Variants in GPC5 observed in about 807,000 individuals in gnomAD.
GPC5 encodes the protein glypican-5.
Under a neutral mutation model 53.9 loss-of-function variants are expected in GPC5, and 47 were observed. The ratio of observed to expected loss-of-function variants is 0.87; its 90% CI spans 0.69 to 1.11. The LOEUF is 1.11. Among genes scored for constraint, GPC5 ranks in the 50% most tolerant of loss-of-function variants. The pLI is 0.00. For missense variants in GPC5, 748 were observed against 713.1 expected, an observed-to-expected ratio of 1.05 and a Z score of -0.56; for synonymous variants, 286 against 263.3, an observed-to-expected ratio of 1.09 and a Z score of -0.84.
chr13:92,469,296 C>T (rs1431987380), intron 7 of GPC5, among the ~76,000 whole-genome samples: 1 of 152,010 alleles, frequency 6.6e-6, no homozygotes, highest in Non-Finnish European at 1.5e-5. Flanking sequence ...GCAACCTCCA[C>T]CTCCCAGGTT....
chr13:92,274,506 C>G (rs1305180613), intron 7 of GPC5, among the ~76,000 whole-genome samples: 3 of 152,090 alleles, frequency 2.0e-5, no homozygotes, highest in African/African-American at 7.2e-5. Flanking sequence ...TCTTTAAACT[C>G]CATTCTCTGG....
At chr13:92,691,520 C>T (rs893524600) in intron 7 of GPC5, among the ~76,000 whole-genome samples, 6 of 151,342 alleles carry the variant, frequency 4.0e-5, no homozygotes, top group African/African-American at 9.7e-5. Context: ...AGAAATCACC[C>T]GTCTTCTGCG....
chr13:92,381,516 A>G (rs538587106), intron 7 of GPC5, among the ~76,000 whole-genome samples: 13 of 152,280 alleles, frequency 8.5e-5, no homozygotes, highest in African/African-American at 3.1e-4. Flanking sequence ...GTTGGTGTGG[A>G]TGCAATGAAC....
intron 4 of GPC5, among the ~76,000 whole-genome samples, chr13:91,736,821 G>GA (rs1189457045): frequency 6.6e-6 from 1 of 151,180 alleles, no homozygotes; most frequent in Non-Finnish European, 1.5e-5. Flanking sequence ...CTCTATTCCA[G>GA]AAAATGGAAT....
intron 6 of GPC5, among the ~76,000 whole-genome samples, chr13:92,040,338 G>A (rs1178704707): frequency 6.6e-6 from 1 of 152,166 alleles, no homozygotes; most frequent in African/African-American, 2.4e-5. Context: ...TGACTGGGGT[G>A]TGTGTGAGTG....
intron 7 of GPC5, among the ~76,000 whole-genome samples, chr13:92,180,008 A>G (rs1430599614): frequency 6.6e-6 from 1 of 152,234 alleles, no homozygotes. Flanking sequence ...GAGTCACAAG[A>G]CAGGCACAAT....
At chr13:91,644,803 G>T (rs1159884799) in intron 2 of GPC5, among the ~76,000 whole-genome samples, 1 of 152,070 alleles carries the variant, frequency 6.6e-6, no homozygotes, top group Admixed American at 6.5e-5. Flanking sequence ...CATTTATTTT[G>T]TGACTGTGTA....
intron 7 of GPC5, among the ~76,000 whole-genome samples, chr13:92,193,580 G>C (rs1237189182): frequency 6.6e-6 from 1 of 152,182 alleles, no homozygotes; most frequent in Non-Finnish European, 1.5e-5. Context: ...TCTTAAGAAT[G>C]ATTATAGTTC....
At chr13:92,368,336 GA>G (rs1391174090) in intron 7 of GPC5, among the ~76,000 whole-genome samples, 4 of 151,008 alleles carry the variant, frequency 2.6e-5, no homozygotes, top group Non-Finnish European at 5.9e-5. Context: ...CCTAGCCTCA[GA>G]AATACAACTC....
chr13:92,205,998 C>T (rs1259495926), intron 7 of GPC5, among the ~76,000 whole-genome samples: 3 of 141,788 alleles, frequency 2.1e-5, no homozygotes, highest in Non-Finnish European at 4.5e-5. Context: ...GCAGAGATCG[C>T]ACCACTGCAC....
At chr13:91,811,333 C>G (rs1011930878) in intron 5 of GPC5, among the ~76,000 whole-genome samples, 1 of 151,940 alleles carries the variant, frequency 6.6e-6, no homozygotes, top group Non-Finnish European at 1.5e-5. Context: ...ATAAGTGTTA[C>G]TTATCTGTAA....
rs542341191 is a variant in GPC5 at position 91,748,237 on chromosome 13, T to C, written c.1155-8058T>C. 3.3e-5 allele frequency among the ~76,000 whole-genome samples: 5 copies of C among 152,346 alleles called. No individual in the cohort carries two copies. In the South Asian group the frequency reaches 1.0e-3, roughly 32 times the overall value. On this transcript the variant is annotated intron_variant, in intron 4 of 7. Coordinates refer to ENST00000377067, the MANE Select transcript of GPC5 (RefSeq NM_004466.6). Reference sequence around the variant, plus strand: ...GTGCAACTAAATATTAATGTGTCACTACATATTAATTTTAACATTACATAT... The same window carrying C: ...GTGCAACTAAATATTAATGTGTCACCACATATTAATTTTAACATTACATAT...
intron 6 of GPC5, among the ~76,000 whole-genome samples, chr13:92,106,260 A>AC (rs1225685020): frequency 1.3e-5 from 2 of 152,014 alleles, no homozygotes; most frequent in South Asian, 4.1e-4. Context: ...AAAAAGATGG[A>AC]CCCCCAATTT....
At chr13:92,615,845 G>C (rs552844235) in intron 7 of GPC5, among the ~76,000 whole-genome samples, 1 of 152,072 alleles carries the variant, frequency 6.6e-6, no homozygotes, top group African/African-American at 2.4e-5. Context: ...ACGAGGTCAG[G>C]AGATCGAGAC....
At chr13:92,059,194 A>G (rs1157390248) in intron 6 of GPC5, among the ~76,000 whole-genome samples, 1 of 152,154 alleles carries the variant, frequency 6.6e-6, no homozygotes, top group Non-Finnish European at 1.5e-5. Flanking sequence ...TATCTATATC[A>G]TCTTAAAATG....
chr13:91,676,665 T>C (rs1344363863), intron 2 of GPC5, among the ~76,000 whole-genome samples: 1 of 152,204 alleles, frequency 6.6e-6, no homozygotes, highest in Non-Finnish European at 1.5e-5. Flanking sequence ...AACTTAATCA[T>C]TCTGGAACAG....
At chr13:92,342,781 T>C (rs1566547249) in intron 7 of GPC5, among the ~76,000 whole-genome samples, 1 of 152,186 alleles carries the variant, frequency 6.6e-6, no homozygotes, top group Non-Finnish European at 1.5e-5. Context: ...TCATTGTTTT[T>C]AAGATAATGT....
At chr13:92,314,477 GTATT>G (rs1300921521) in intron 7 of GPC5, among the ~76,000 whole-genome samples, 5 of 152,170 alleles carry the variant, frequency 3.3e-5, no homozygotes, top group Non-Finnish European at 7.3e-5. Flanking sequence ...GATTCTAAGA[GTATT>G]TATTCATCGT....
intron 5 of GPC5, among the ~76,000 whole-genome samples, chr13:91,864,906 T>C (rs931911865): frequency 6.6e-6 from 1 of 151,492 alleles, no homozygotes; most frequent in South Asian, 2.1e-4. Flanking sequence ...TCTTTCTTTT[T>C]TTTTTTTTTT....
Sources: gnomAD v4.1 joint callset for allele counts (sites outside exome capture counted in the v4.1 genomes callset) on GRCh38, gnomAD v4.1.1 for gene constraint, MANE v1.5 for transcripts, NCBI Gene and HGNC (gene_info 2026-07-23, HGNC 2026-07-21) for gene names.